Variants in GRM1 observed in about 807,000 individuals in gnomAD.
GRM1 encodes the protein metabotropic glutamate receptor 1.
Under a neutral mutation model 90.9 loss-of-function variants are expected in GRM1, and 33 were observed. The ratio of observed to expected loss-of-function variants is 0.36; its 90% confidence interval spans 0.28 to 0.49. GRM1 has a LOEUF of 0.49. GRM1 is among the 20% of genes least tolerant of loss of function. The pLI is 0.99. For missense variants in GRM1, 1,190 were observed against 1,534.3 expected (o/e 0.78, Z 3.75); for synonymous variants, 700 against 613.2 (o/e 1.14, Z -2.09).
At chr6:146,230,400 T>A (rs1032526055) in intron 2 of GRM1, among the ~76,000 whole-genome samples, 1 of 152,024 alleles carries the variant, frequency 6.6e-6, no homozygotes, top group African/African-American at 2.4e-5. Context: ...TGGCAAATAA[T>A]CATATGAAAA....
chr6:146,150,961 C>CAG (rs1777312209), intron 1 of GRM1, among the ~76,000 whole-genome samples: 1 of 151,932 alleles, frequency 6.6e-6, no homozygotes, highest in African/African-American at 2.4e-5. Flanking sequence ...CACACACACA[C>CAG]ACACACTACA....
chr6:146,347,149 G>A (rs533282786), intron 3 of GRM1, among the ~76,000 whole-genome samples: 1 of 152,282 alleles, frequency 6.6e-6, no homozygotes, highest in East Asian at 1.9e-4. Context: ...CATTCAAACT[G>A]GCACAATATT....
At chr6:146,104,765 ATAC>A (rs1371597568) in intron 1 of GRM1, among the ~76,000 whole-genome samples, 2 of 152,238 alleles carry the variant, frequency 1.3e-5, no homozygotes, top group Non-Finnish European at 2.9e-5. Flanking sequence ...ATGCAACACC[ATAC>A]TGTAAAAAAT....
At chr6:146,217,338 G>A (rs1562535345) in intron 2 of GRM1, among the ~76,000 whole-genome samples, 1 of 152,176 alleles carries the variant, frequency 6.6e-6, no homozygotes, top group Admixed American at 6.5e-5. Context: ...TGCCCAGAGA[G>A]CAATACCTTG....
chr6:146,377,671 C>A (rs936835148), intron 5 of GRM1, among the ~76,000 whole-genome samples: 4 of 152,128 alleles, frequency 2.6e-5, no homozygotes, highest in African/African-American at 9.7e-5. Context: ...CAATGAGTAG[C>A]CCAATGCTAA....
intron 5 of GRM1, among the ~76,000 whole-genome samples, chr6:146,370,601 T>G (rs969132698): frequency 6.6e-6 from 1 of 152,036 alleles, no homozygotes; most frequent in Non-Finnish European, 1.5e-5. Context: ...ATGCATAACA[T>G]CATGTGGGCC....
Position 146,399,207 on chromosome 6 carries a change from C to T in GRM1, c.2168C>T (p.Thr723Ile). The change falls in exon 7 of 8, where the codon ACC (threonine) becomes ATC (isoleucine). Residue 723 changes from threonine to isoleucine, a missense_variant. By Grantham distance (89) the Thr-to-Ile change is moderately conservative. Around this residue, in one of 10 missense-constraint regions of GRM1, gnomAD observed 414 missense variants for 598.4 expected, o/e 0.69. Transcript: ENST00000282753. The surrounding 1 kb of genome is among the most constrained non-coding windows in gnomAD (Gnocchi z 5.4). ...LISVQLTLVV[T>I]LIIMEPPMPI... is the part of the protein sequence containing the mutation. Reference sequence around the variant, plus strand: ...AGTGTGCAACTAACCCTGGTGGTAACCCTGATCATCATGGAACCCCCTATG... The same window carrying T: ...AGTGTGCAACTAACCCTGGTGGTAATCCTGATCATCATGGAACCCCCTATG... 1.9e-6 allele frequency: 3 copies of T among 1,614,028 alleles called. No individual in the cohort carries two copies. Among genetic ancestry groups the T allele is most frequent in the Non-Finnish European group, 1.7e-6 (2 of 1,179,992 alleles).
At chr6:146,269,045 C>A (rs184976189) in intron 2 of GRM1, among the ~76,000 whole-genome samples, 77 of 152,182 alleles carry the variant, frequency 5.1e-4, no homozygotes, top group African/African-American at 1.8e-3. Flanking sequence ...CCTAGACTTA[C>A]AAAAGGTACT....
chr6:146,179,052 C>T (rs1319745138), intron 2 of GRM1, among the ~76,000 whole-genome samples: 1 of 152,146 alleles, frequency 6.6e-6, no homozygotes, highest in Non-Finnish European at 1.5e-5. Context: ...ACTTTTTGTC[C>T]TGGAAGTAAT....
intron 1 of GRM1, among the ~76,000 whole-genome samples, chr6:146,084,284 G>A (rs1010266471): frequency 2.6e-5 from 4 of 151,640 alleles, no homozygotes; most frequent in African/African-American, 9.7e-5. Flanking sequence ...GCTGGCTTTT[G>A]GATTTGTTTG....
chr6:146,423,952 C>G (rs1351785755), intron 7 of GRM1, among the ~76,000 whole-genome samples: 2 of 152,142 alleles, frequency 1.3e-5, no homozygotes, highest in Non-Finnish European at 1.5e-5. Context: ...GTGCTGTGTT[C>G]CCTTGTGTGG....
chr6:146,395,555 A>G (rs1002346510), intron 6 of GRM1, among the ~76,000 whole-genome samples: 3 of 152,110 alleles, frequency 2.0e-5, no homozygotes, highest in African/African-American at 7.2e-5. Flanking sequence ...TCAAAGGCTA[A>G]TAATTAATTG....
chr6:146,276,505 TTA>T (rs1313857715), intron 2 of GRM1, among the ~76,000 whole-genome samples: 1 of 152,192 alleles, frequency 6.6e-6, no homozygotes, highest in African/African-American at 2.4e-5. Context: ...CTCATACATT[TTA>T]TGTTAATGAT....
chr6:146,437,528 T>C lies in GRM1; in HGVS notation c.*2732T>C, dbSNP rs2114711562. 6.5e-6 allele frequency: 1 copy of C among 152,784 alleles called. No homozygotes were observed. The highest frequency in any genetic ancestry group is 2.4e-5 in the African/African-American group (1 of 41,596). The allele number at this position is 152,784 out of a possible 1,614,324, so 9.5% of individuals were successfully genotyped here. On this transcript the variant is annotated 3_prime_UTR_variant, in exon 8 of 8. Coordinates refer to ENST00000282753, the MANE Select transcript of GRM1 (RefSeq NM_001278064.2). ...TGTTCAGCTTCTTGTAAATGTGTTT[T>C]CCTTCGGCTTGTTACTGCCTTTTGT...
intron 5 of GRM1, among the ~76,000 whole-genome samples, chr6:146,376,827 C>T (rs910459821): frequency 5.9e-5 from 9 of 152,186 alleles, no homozygotes; most frequent in South Asian, 2.1e-4. Flanking sequence ...AATGTCAAAT[C>T]GTAACTCTCA....
rs199901932 is a variant in GRM1, at chr6:146,271,303, CAG to C, written c.951-33305_951-33304del. The stretch of plus-strand genomic sequence containing the variant: ...ACAAGTGTGAGCCACTGTGCCCGGC[CAG>C]AGTTTCATTTTTTTAAGTAAGCTCT... On this transcript the variant is annotated intron_variant, in intron 2 of 7. Transcript: ENST00000282753. 4.8e-3 allele frequency among the ~76,000 whole-genome samples: 738 copies of C among 152,218 alleles called. 3 individuals carry two copies. The highest frequency in any genetic ancestry group is 0.017 in the African/African-American group (691 of 41,526).
In GRM1 at chr6:146,399,393, A is replaced by G. The variant is rs1777074183; in HGVS notation, c.2354A>G (p.Lys785Arg). 6.2e-7 allele frequency: 1 copy of G among 1,614,180 alleles called. No individual in the cohort carries two copies. The highest frequency in any genetic ancestry group is 8.5e-7 in the Non-Finnish European group (1 of 1,180,038). ...GTGCCCGCCAACTTCAACGAGGCCA[A>G]ATATATCGCGTTCACCATGTACACC... is the stretch of plus-strand genomic sequence containing the variant. ...RNVPANFNEA[K>R]YIAFTMYTTC... Residue 785 changes from lysine (K) to arginine (R), a missense_variant, in exon 7 of 8, where the codon AAA becomes AGA. Around this residue, in one of 10 missense-constraint regions of GRM1, gnomAD observed 73 missense variants for 150.6 expected, o/e 0.48. Transcript: ENST00000282753. This position sits in a 1 kb window ranked among gnomAD's most constrained non-coding sequence, Gnocchi z 5.4.
chr6:146,096,251 T>C (rs1419907660), intron 1 of GRM1, among the ~76,000 whole-genome samples: 1 of 152,202 alleles, frequency 6.6e-6, no homozygotes, highest in African/African-American at 2.4e-5. Context: ...AGTATGCATA[T>C]GTCTGTGATG....
At chr6:146,244,486 G>C (rs1275260146) in intron 2 of GRM1, among the ~76,000 whole-genome samples, 2 of 152,130 alleles carry the variant, frequency 1.3e-5, no homozygotes, top group Non-Finnish European at 2.9e-5. Flanking sequence ...GTTTGGCAGA[G>C]GGAGGTAACC....
Sources: allele counts gnomAD v4.1 joint callset (sites outside exome capture counted in the v4.1 genomes callset), GRCh38; gene constraint gnomAD v4.1.1; regional missense constraint gnomAD v4.1.1; non-coding constraint Gnocchi (gnomAD v3.1); transcripts MANE v1.5; gene names NCBI Gene and HGNC (gene_info 2026-07-23, HGNC 2026-07-21).